The following PDE1A variants were observed in gnomAD, a reference collection of about 807,000 sequenced individuals.
The protein encoded by PDE1A is dual specificity calcium/calmodulin-dependent 3',5'-cyclic nucleotide phosphodiesterase 1A.
Under a neutral mutation model 61.7 loss-of-function variants are expected in PDE1A, and 35 were observed. The ratio of observed to expected loss-of-function variants is 0.57; its 90% CI spans 0.43 to 0.75. The LOEUF (loss-of-function observed/expected upper bound fraction) is 0.75, where lower values mean the gene tolerates loss of function less well. Among genes scored for constraint, PDE1A ranks in the 30% least tolerant of loss-of-function variants. PDE1A has a pLI of 0.00. For synonymous variants in PDE1A, 232 were observed against 213.2 expected (o/e 1.09, Z -0.77); for missense variants, 597 against 630.6 (o/e 0.95, Z 0.57).
chr2:182,589,173 T>C, the PDE1A span, among the ~76,000 whole-genome samples: 163 of 126,002 alleles, frequency 1.3e-3, no homozygotes, highest in African/African-American at 3.9e-3. Context: ...GAAGGAAAGA[T>C]AGCAGAGGAA....
At chr2:182,564,356 T>C in the PDE1A span, among the ~76,000 whole-genome samples, 1 of 152,216 alleles carries the variant, frequency 6.6e-6, no homozygotes, top group Non-Finnish European at 1.5e-5. Context: ...TGAAAATTCT[T>C]TTCTTTAAGA....
chr2:182,636,445 C>G, the PDE1A span, among the ~76,000 whole-genome samples: 1 of 152,062 alleles, frequency 6.6e-6, no homozygotes, highest in Admixed American at 6.5e-5. Context: ...ACGGGAAGTT[C>G]AGAAACGCTG....
chr2:182,262,956 T>C (rs987838928), intron 2 of PDE1A, among the ~76,000 whole-genome samples: 2 of 11,680 alleles, frequency 1.7e-4, no homozygotes, highest in African/African-American at 1.8e-3. Context: ...TATTAAACAA[T>C]GTGTGTGTGT....
intron 2 of PDE1A, among the ~76,000 whole-genome samples, chr2:182,492,692 C>G (rs967640124): frequency 2.0e-5 from 3 of 152,150 alleles, no homozygotes; most frequent in Non-Finnish European, 2.9e-5. Flanking sequence ...ATCAACTTTT[C>G]TGTCATGAGC....
intron 1 of PDE1A, chr2:182,522,568 C>T (rs1690636040): frequency 1.4e-6 from 2 of 1,392,792 alleles, no homozygotes; most frequent in Non-Finnish European, 1.9e-6. Context: ...CCACTGCTCA[C>T]CACCTCACCA....
the PDE1A span, among the ~76,000 whole-genome samples, chr2:182,541,506 G>T: frequency 6.6e-6 from 1 of 152,068 alleles, no homozygotes; most frequent in African/African-American, 2.4e-5. Flanking sequence ...TTGTCATGAG[G>T]TTTCAGAGAG....
chr2:182,413,873 A>G (rs1374945641), intron 1 of PDE1A, among the ~76,000 whole-genome samples: 4 of 152,178 alleles, frequency 2.6e-5, no homozygotes, highest in African/African-American at 9.6e-5. Context: ...ATGGTGCACT[A>G]GTGTTACAAG....
chr2:182,500,660 T>A lies in PDE1A; in HGVS notation c.101+21616A>T, dbSNP rs190754392. Among the ~76,000 whole-genome samples, 889 of 152,308 alleles carry A rather than the reference T, an allele frequency of 5.8e-3. 8 individuals are homozygous for A. Among genetic ancestry groups the A allele is most frequent in the African/African-American group, 0.021 (859 of 41,560 alleles). ...CAACCAAAACTTCAAAAGATTTTTT[T>A]AAATATTGACATAACTCACATATAA... On this transcript the variant is annotated intron_variant, in intron 2 of 14. Coordinates refer to the PDE1A transcript ENST00000410103.
the PDE1A span, among the ~76,000 whole-genome samples, chr2:182,675,614 ATC>A: frequency 6.6e-6 from 1 of 152,174 alleles, no homozygotes; most frequent in Non-Finnish European, 1.5e-5. Context: ...CTTCTCCAGC[ATC>A]TGTTATTTTT....
At chr2:182,266,861 A>T (rs1692669298) in intron 1 of PDE1A, among the ~76,000 whole-genome samples, 1 of 152,128 alleles carries the variant, frequency 6.6e-6, no homozygotes, top group African/African-American at 2.4e-5. Flanking sequence ...GAAAAAATGG[A>T]AGTGGCCTGG....
intron 2 of PDE1A, among the ~76,000 whole-genome samples, chr2:182,502,532 T>A (rs1209902849): frequency 1.3e-5 from 2 of 152,188 alleles, no homozygotes; most frequent in African/African-American, 4.8e-5. Flanking sequence ...AAAATGTATG[T>A]GTTCAGCCCT....
intron 2 of PDE1A, among the ~76,000 whole-genome samples, chr2:182,483,068 A>C (rs1687802519): frequency 6.6e-6 from 1 of 151,982 alleles, no homozygotes; most frequent in Non-Finnish European, 1.5e-5. Flanking sequence ...CTTTGAAACA[A>C]TAAATGTAAC....
At chr2:182,710,337 C>G in the PDE1A span, among the ~76,000 whole-genome samples, 2 of 152,214 alleles carry the variant, frequency 1.3e-5, no homozygotes, top group African/African-American at 4.8e-5. Flanking sequence ...TATCACCACT[C>G]AGTTATGTGT....
chr2:182,598,668 G>A, the PDE1A span, among the ~76,000 whole-genome samples: 4 of 151,844 alleles, frequency 2.6e-5, no homozygotes, highest in Non-Finnish European at 5.9e-5. Flanking sequence ...TCTGCCTTTC[G>A]AGTGTGGGGG....
At chr2:182,459,434 T>G (rs1245692455) in intron 2 of PDE1A, among the ~76,000 whole-genome samples, 1 of 152,154 alleles carries the variant, frequency 6.6e-6, no homozygotes, top group African/African-American at 2.4e-5. Context: ...TTTCTTATTC[T>G]CCTAAATCAA....
chr2:182,264,878 C>CATATATATATATATAT (rs148358464), intron 1 of PDE1A, among the ~76,000 whole-genome samples: 4,081 of 106,672 alleles, frequency 0.038, 422 homozygotes, highest in African/African-American at 0.075. Flanking sequence ...TATATATATA[C>CATATATATATATATAT]ATATATATAT....
intron 7 of PDE1A, among the ~76,000 whole-genome samples, chr2:182,222,663 T>C (rs950327524): frequency 6.6e-5 from 10 of 151,956 alleles, no homozygotes; most frequent in Admixed American, 3.3e-4. Flanking sequence ...ATGGAACTCA[T>C]GCAACTCTGT....
the PDE1A span, among the ~76,000 whole-genome samples, chr2:182,564,428 T>C: frequency 2.0e-5 from 3 of 152,250 alleles, no homozygotes; most frequent in East Asian, 3.8e-4. Flanking sequence ...AGATCTGCTG[T>C]TAGTCTGATG....
chr2:182,441,241 T>C (rs1360804480), intron 2 of PDE1A, among the ~76,000 whole-genome samples: 1 of 152,046 alleles, frequency 6.6e-6, no homozygotes, highest in Non-Finnish European at 1.5e-5. Flanking sequence ...CCTGGCCCCA[T>C]CCTTGACACA....
Sources: gnomAD v4.1 joint callset for allele counts (sites outside exome capture counted in the v4.1 genomes callset) on GRCh38, gnomAD v4.1.1 for gene constraint, MANE v1.5 for transcripts, NCBI Gene and HGNC (gene_info 2026-07-23, HGNC 2026-07-21) for gene names.